Variants in HSD17B2 observed in about 807,000 individuals in gnomAD.
The protein encoded by HSD17B2 is hydroxysteroid 17-beta dehydrogenase 2, also known as 17-beta-hydroxysteroid dehydrogenase type 2.
Under a neutral mutation model 26.9 loss-of-function variants are expected in HSD17B2, and 32 were observed. The observed-to-expected ratio is 1.19, with a 90% confidence interval of 0.90 to 1.60. The LOEUF (loss-of-function observed/expected upper bound fraction) is 1.60. HSD17B2 is among the 40% of genes most tolerant of loss of function. HSD17B2 has a pLI of 0.00. For missense variants in HSD17B2, 613 were observed against 468.6 expected (o/e 1.31, Z -2.85); for synonymous variants, 246 against 186.7 (o/e 1.32, Z -2.59).
intron 3 of HSD17B2, among the ~76,000 whole-genome samples, chr16:82,075,498 G>C (rs138489103): frequency 1.9e-3 from 292 of 151,590 alleles, no homozygotes; most frequent in African/African-American, 6.8e-3. Context: ...GAACAAGAGA[G>C]AAGACCCAAT....
intron 1 of HSD17B2, among the ~76,000 whole-genome samples, chr16:82,047,787 G>C (rs1913980094): frequency 6.6e-6 from 1 of 152,094 alleles, no homozygotes; most frequent in African/African-American, 2.4e-5. Context: ...TTCTTCTTTT[G>C]ACTGCCTGGA....
chr16:82,038,764 G>A (rs1419385963), intron 1 of HSD17B2, among the ~76,000 whole-genome samples: 4 of 152,170 alleles, frequency 2.6e-5, no homozygotes, highest in Non-Finnish European at 4.4e-5. Flanking sequence ...CAGAGAAGAT[G>A]GGCAGGGAAA....
intron 1 of HSD17B2, among the ~76,000 whole-genome samples, chr16:82,057,724 T>A (rs577891308): frequency 2.0e-5 from 3 of 152,212 alleles, no homozygotes. Context: ...TGTGATCTTC[T>A]TCCCCCAAAC....
intron 1 of HSD17B2, among the ~76,000 whole-genome samples, chr16:82,060,366 G>A (rs1567583704): frequency 6.6e-6 from 1 of 152,154 alleles, no homozygotes; most frequent in Non-Finnish European, 1.5e-5. Flanking sequence ...CTGGTGATGG[G>A]AATGTGTGTG....
chr16:82,064,270 T>C (rs1461620271), intron 1 of HSD17B2, among the ~76,000 whole-genome samples: 2 of 152,224 alleles, frequency 1.3e-5, no homozygotes, highest in African/African-American at 4.8e-5. Context: ...CGCATCCCTT[T>C]ACCTGCCACG....
At chr16:82,041,131 T>A (rs1913754966) in intron 1 of HSD17B2, among the ~76,000 whole-genome samples, 1 of 152,220 alleles carries the variant, frequency 6.6e-6, no homozygotes, top group African/African-American at 2.4e-5. Flanking sequence ...GTATTCTGAC[T>A]GCATGGAAAT....
intron 2 of HSD17B2, 107 bp from the exon 3 acceptor site, chr16:82,070,835 A>G (rs1914680001): frequency 9.7e-7 from 1 of 1,026,768 alleles, no homozygotes; most frequent in Admixed American, 2.5e-5. Flanking sequence ...ATCCCCCAGG[A>G]GACCTGGCTC....
chr16:82,039,758 T>C (rs1468715871), intron 1 of HSD17B2, among the ~76,000 whole-genome samples: 1 of 152,084 alleles, frequency 6.6e-6, no homozygotes, highest in Non-Finnish European at 1.5e-5. Context: ...CCTCCAGTCA[T>C]CTCAAATATT....
rs531395355 is a variant in HSD17B2, at chr16:82,067,355, A to G, written c.266-815A>G. 2.6e-5 allele frequency among the ~76,000 whole-genome samples: 4 copies of G among 152,332 alleles called. No homozygotes were observed. In the East Asian group the frequency reaches 7.7e-4, roughly 29 times the overall value. On this transcript the variant is annotated intron_variant, in intron 1 of 4. Transcript: ENST00000199936. ...TGTATGTAGCTCAAAGGGTGATTTA[A>G]TGTTCATGTTATCTTCAACTTAGGA...
At chr16:82,077,132 C>T (rs577022603) in intron 3 of HSD17B2, among the ~76,000 whole-genome samples, 1 of 152,206 alleles carries the variant, frequency 6.6e-6, no homozygotes, top group Admixed American at 6.5e-5. Context: ...TATCCAAATA[C>T]CAATGACATT....
intron 2 of HSD17B2, among the ~76,000 whole-genome samples, chr16:82,068,880 C>A (rs926987150): frequency 6.6e-6 from 1 of 152,170 alleles, no homozygotes; most frequent in African/African-American, 2.4e-5. Flanking sequence ...CAAAGCTAAT[C>A]AGAATTAGCC....
At chr16:82,054,570 C>T (rs1403190366) in intron 1 of HSD17B2, among the ~76,000 whole-genome samples, 1 of 152,172 alleles carries the variant, frequency 6.6e-6, no homozygotes, top group Non-Finnish European at 1.5e-5. Flanking sequence ...GCCTCAAACT[C>T]CTGACCTCAA....
intron 3 of HSD17B2, among the ~76,000 whole-genome samples, chr16:82,085,260 C>A (rs989184594): frequency 6.6e-6 from 1 of 152,102 alleles, no homozygotes; most frequent in Non-Finnish European, 1.5e-5. Flanking sequence ...AGATGGGAAG[C>A]CTAGGCTGAG....
intron 3 of HSD17B2, chr16:82,071,490 A>G (rs1914697364): frequency 2.8e-6 from 1 of 362,804 alleles, no homozygotes; most frequent in East Asian, 7.1e-5. Flanking sequence ...TCAATTTAAC[A>G]CACTGTGTTC....
At chr16:82,071,604 C>T in intron 3 of HSD17B2, 1 of 265,788 alleles carries the variant, frequency 3.8e-6, no homozygotes, top group South Asian at 4.4e-5. Flanking sequence ...TGTTGAGCAG[C>T]CTCAATCCAG....
intron 1 of HSD17B2, chr16:82,052,379 G>A (rs540109907): frequency 1.3e-5 from 2 of 152,374 alleles, no homozygotes; most frequent in South Asian, 4.1e-4. Context: ...TAGACCCAGG[G>A]AACTGAGTAT....
chr16:82,057,242 A>T (rs1247209950), intron 1 of HSD17B2, among the ~76,000 whole-genome samples: 1 of 149,924 alleles, frequency 6.7e-6, no homozygotes, highest in Non-Finnish European at 1.5e-5. Context: ...CTCCGTCACC[A>T]GGCTAGAGTG....
intron 1 of HSD17B2, among the ~76,000 whole-genome samples, chr16:82,060,300 G>A (rs1165027853): frequency 6.6e-6 from 1 of 152,188 alleles, no homozygotes; most frequent in Non-Finnish European, 1.5e-5. Context: ...CTGTAGGTCA[G>A]GGATCTCCAA....
intron 3 of HSD17B2, among the ~76,000 whole-genome samples, chr16:82,089,438 G>A (rs1043173858): frequency 7.9e-5 from 12 of 152,112 alleles, no homozygotes; most frequent in African/African-American, 2.4e-4. Context: ...TCTAGTCTTC[G>A]TGTGAGACTT....
Sources: allele counts gnomAD v4.1 joint callset (sites outside exome capture counted in the v4.1 genomes callset), GRCh38; gene constraint gnomAD v4.1.1; transcripts MANE v1.5; gene names NCBI Gene and HGNC (gene_info 2026-07-23, HGNC 2026-07-21).